CHD2: variants seen among roughly 807,000 people sequenced by gnomAD.
The protein encoded by CHD2 is ATP-dependent chromatin remodeler CHD2.
A neutral mutation model predicts 243.9 loss-of-function variants in CHD2; 28 were observed. The observed-to-expected ratio is 0.11, with a 90% CI of 0.09 to 0.16. CHD2 has a LOEUF of 0.16. Ranked by LOEUF, CHD2 falls within the 10% of genes least tolerant of loss-of-function variation. The pLI, the probability that CHD2 is intolerant of heterozygous loss-of-function variation, is 1.00. For missense variants in CHD2, 1,386 were observed against 2,209.8 expected, an observed-to-expected ratio of 0.63 and a Z score of 7.47; for synonymous variants, 775 against 779.0, an observed-to-expected ratio of 0.99 and a Z score of 0.09.
At chr15:92,972,565 C>T in intron 19 of CHD2, 148 bp downstream of exon 19, 1 of 146,224 alleles carries the variant, frequency 6.8e-6, no homozygotes, top group Non-Finnish European at 1.2e-5. Flanking sequence ...GTTAAGATTC[C>T]AGGGGGCCGG....
intron 34 of CHD2, among the ~76,000 whole-genome samples, chr15:93,004,983 C>T (rs1388929480): frequency 6.6e-6 from 1 of 152,088 alleles, no homozygotes; most frequent in South Asian, 2.1e-4. Context: ...GTCTTGTGCT[C>T]CTAGTTAAGA....
Position 92,946,225 on chromosome 15 carries a change from ATGGT to A in CHD2, c.1377+13_1377+16del. 6.3e-7 allele frequency: 1 copy of A among 1,595,634 alleles called. No homozygotes were observed. The highest frequency in any genetic ancestry group is 8.6e-7 in the Non-Finnish European group (1 of 1,169,016). On this transcript the variant is annotated intron_variant, in intron 12 of 38. Transcript: ENST00000394196. ...CAACAAGAGAATGCAAGGTATGGTG[ATGGT>A]TGGCTTTTGTTTTTTCAGGGAGAAG...
At chr15:92,905,582 G>T (rs2052605991) in intron 2 of CHD2, among the ~76,000 whole-genome samples, 1 of 152,104 alleles carries the variant, frequency 6.6e-6, no homozygotes, top group South Asian at 2.1e-4. Flanking sequence ...ATATTTGCTT[G>T]GGCGTATGTC....
At chr15:92,905,975 CTG>C (rs2052614112) in intron 2 of CHD2, among the ~76,000 whole-genome samples, 1 of 152,150 alleles carries the variant, frequency 6.6e-6, no homozygotes, top group Admixed American at 6.5e-5. Flanking sequence ...ATTCCTAAAA[CTG>C]GGGTCAAAGT....
rs1228076921 is a variant in CHD2 at position 92,924,487 on chromosome 15, C to T, written c.229C>T (p.Pro77Ser). Reference sequence around the variant, plus strand: ...CGAATCAGCAGGTTCCAAATCCCAGCCAGTCCTCCCAGAAGCCAAAGAGAA... The same window carrying T: ...CGAATCAGCAGGTTCCAAATCCCAGTCAGTCCTCCCAGAAGCCAAAGAGAA... Reference protein sequence around the residue: ...ESESAGSKSQPVLPEAKEKPA... With the variant: ...ESESAGSKSQSVLPEAKEKPA... The change falls in exon 3 of 39, where the codon CCA (proline) becomes TCA (serine). Residue 77 changes from proline (P) to serine (S), a missense_variant. Transcript: ENST00000394196. The T allele has an allele frequency of 2.5e-6, 4 of 1,614,070 alleles. No individual in the cohort carries two copies. Among genetic ancestry groups the T allele is most frequent in the Non-Finnish European group, 3.4e-6 (4 of 1,180,004 alleles).
chr15:93,019,849 G>A lies in CHD2; in HGVS notation c.4907-163G>A, dbSNP rs570140855. Among the ~76,000 whole-genome samples the A allele has an allele frequency of 1.5e-4, 23 of 151,768 alleles. No individual in the cohort carries two copies. The Middle Eastern group carries it at 0.02, about 135-fold the overall frequency. The stretch of plus-strand genomic sequence containing the variant: ...CTTGGGAGGCTGAGGCACGAGAATC[G>A]CTTGACCCAAGAGATGGAGATTGCA... On this transcript the variant is annotated intron_variant, in intron 37 of 38. Coordinates refer to ENST00000394196, the MANE Select transcript of CHD2 (RefSeq NM_001271.4).
intron 26 of CHD2, among the ~76,000 whole-genome samples, chr15:92,987,547 G>A (rs559065656): frequency 1.2e-4 from 18 of 151,590 alleles, no homozygotes; most frequent in Admixed American, 7.2e-4. Flanking sequence ...GCCAAGGTTT[G>A]CAGTGAGCCG....
intron 2 of CHD2, chr15:92,904,883 A>G: frequency 6.5e-7 from 1 of 1,532,250 alleles, no homozygotes; most frequent in Non-Finnish European, 8.7e-7. Flanking sequence ...AAACCTCTTG[A>G]CGGGTGTTAA....
rs2053978485 is a variant in CHD2 at position 92,981,368 on chromosome 15, A to G, written c.2977A>G (p.Met993Val). The change falls in exon 24 of 39, where the codon ATG becomes GTG. Residue 993 changes from methionine (M) to valine (V), a missense_variant. Met to Val is a conservative substitution (Grantham distance 21). Coordinates refer to ENST00000394196, the MANE Select transcript of CHD2 (RefSeq NM_001271.4). ...GTGTTGGCTTTTGTTCTTTTAGGAAATGGATATAGATGAAATTTTGCGGTT... is the reference window on the plus strand; with the variant it reads ...GTGTTGGCTTTTGTTCTTTTAGGAAGTGGATATAGATGAAATTTTGCGGTT... The part of the protein sequence containing the change: ...LEGEESEPQE[M>V]DIDEILRLAE... The G allele has an allele frequency of 6.2e-7, 1 of 1,612,678 alleles. No homozygotes were observed. The highest frequency in any genetic ancestry group is 8.5e-7 in the Non-Finnish European group (1 of 1,178,830).
In CHD2 at chr15:92,997,102, A is replaced by G. The variant is rs565514035; in HGVS notation, c.3734+7A>G. The G allele has an allele frequency of 1.1e-4, 174 of 1,606,868 alleles. 3 individuals carry two copies. The South Asian group carries it at 1.7e-3, about 15-fold the overall frequency. ...ACCCTGAAGAAAAAAAAAAGTGAGT[A>G]TATTTTGTGTACATGCTTAGATGGT... On this transcript the variant is annotated splice_region_variant and intron_variant, in intron 29 of 38. Transcript: ENST00000394196. This position sits in a 1 kb window ranked among gnomAD's most constrained non-coding sequence, Gnocchi z 4.1.
At chr15:92,950,005 C>T (rs142514581) in intron 13 of CHD2, among the ~76,000 whole-genome samples, 44 of 152,210 alleles carry the variant, frequency 2.9e-4, no homozygotes, top group East Asian at 9.7e-4. Flanking sequence ...TAGATAAACG[C>T]GCAGTGGAAA....
intron 5 of CHD2, among the ~76,000 whole-genome samples, chr15:92,934,875 T>G (rs904737182): frequency 1.3e-5 from 2 of 152,212 alleles, no homozygotes; most frequent in African/African-American, 2.4e-5. Flanking sequence ...CTTTAATGTT[T>G]CCTGATTCTT....
At chr15:92,910,608 C>CTGGT (rs1252519368) in intron 2 of CHD2, among the ~76,000 whole-genome samples, 1 of 152,082 alleles carries the variant, frequency 6.6e-6, no homozygotes. Flanking sequence ...GTCGGTCAGG[C>CTGGT]TGGTCTCAGA....
intron 18 of CHD2, 120 bp from the exon 19 acceptor site, chr15:92,972,145 C>G: frequency 8.9e-7 from 1 of 1,122,814 alleles, no homozygotes; most frequent in Non-Finnish European, 1.3e-6. Context: ...GCTGGTCAAG[C>G]AGGTTGCTAA....
intron 36 of CHD2, among the ~76,000 whole-genome samples, chr15:93,013,233 A>G (rs1246529761): frequency 6.6e-6 from 1 of 152,252 alleles, no homozygotes; most frequent in Non-Finnish European, 1.5e-5. Flanking sequence ...ACATGGAAGA[A>G]TATGTTATAG....
rs764221218 is a variant in CHD2 at position 93,002,328 on chromosome 15, C to T, written c.4278+11C>T. The T allele has an allele frequency of 3.1e-6, 5 of 1,588,310 alleles. No homozygotes were observed. The highest frequency in any genetic ancestry group is 1.9e-5 in the Admixed American group (1 of 51,488). On this transcript the variant is annotated intron_variant, in intron 33 of 38. Transcript: ENST00000394196. The stretch of plus-strand genomic sequence containing the variant: ...GATAAGAAAGAGAAGGTAATGATGC[C>T]CTTCTGTTCATGCAGATATCCACAG...
chr15:92,954,643 C>T (rs896699795), intron 14 of CHD2, among the ~76,000 whole-genome samples: 2 of 152,152 alleles, frequency 1.3e-5, no homozygotes, highest in African/African-American at 4.8e-5. Flanking sequence ...TACAAAATAG[C>T]GTAAAGCACT....
At chr15:92,963,677 G>A (rs1385090124) in intron 16 of CHD2, among the ~76,000 whole-genome samples, 1 of 152,148 alleles carries the variant, frequency 6.6e-6, no homozygotes, top group East Asian at 1.9e-4. Context: ...TTGCAAATAA[G>A]AATATGCTGG....
chr15:92,937,508 T>C lies in CHD2; in HGVS notation c.444-10T>C. ...AGAAAAAAATTACTTTGTTTTGCTTTTGATCACAGAGAAAAATGGAAACAG... is the reference window on the plus strand; with the variant it reads ...AGAAAAAAATTACTTTGTTTTGCTTCTGATCACAGAGAAAAATGGAAACAG... On this transcript the variant is annotated splice_polypyrimidine_tract_variant and intron_variant, in intron 5 of 38. Coordinates refer to ENST00000394196, the MANE Select transcript of CHD2 (RefSeq NM_001271.4). 6.3e-7 allele frequency: 1 copy of C among 1,587,958 alleles called. No individual in the cohort carries two copies. The highest frequency in any genetic ancestry group is 8.6e-7 in the Non-Finnish European group (1 of 1,168,110).
Sources: allele counts gnomAD v4.1 joint callset (sites outside exome capture counted in the v4.1 genomes callset), GRCh38; gene constraint gnomAD v4.1.1; non-coding constraint Gnocchi (gnomAD v3.1); transcripts MANE v1.5; gene names NCBI Gene and HGNC (gene_info 2026-07-23, HGNC 2026-07-21).